WDR6: variants seen among roughly 807,000 people sequenced by gnomAD.
WDR6 encodes the protein tRNA (34-2'-O)-methyltransferase regulator WDR6.
Under a neutral mutation model 85.6 loss-of-function variants are expected in WDR6, and 58 were observed. The ratio of observed to expected loss-of-function variants is 0.68; its 90% CI spans 0.55 to 0.84. The LOEUF (loss-of-function observed/expected upper bound fraction) is 0.84, where lower values mean the gene tolerates loss of function less well. WDR6 is among the 40% of genes least tolerant of loss of function. WDR6 has a pLI of 0.00. For synonymous variants in WDR6, 569 were observed against 582.2 expected, an observed-to-expected ratio of 0.98 and a Z score of 0.33; for missense variants, 1,310 against 1,476.4, an observed-to-expected ratio of 0.89 and a Z score of 1.85.
Position 49,013,926 on chromosome 3 carries a change from C to T in WDR6, c.2392C>T (p.Leu798=). Residue 798 remains leucine (L), a synonymous_variant, in exon 2 of 6, where the codon CTG becomes TTG. Coordinates refer to ENST00000608424, the MANE Select transcript of WDR6 (RefSeq NM_018031.6). This position sits in a 1 kb window ranked among gnomAD's most constrained non-coding sequence, Gnocchi z 4.6. ...TGGCCCTCAGGATCCTCAGCCAGGC[C>T]TGACTGCCCATGTGGTGTCTGCGGG... The part of the protein sequence containing the change: ...PGGPQDPQPG[L]TAHVVSAGGR... 1 of 1,613,498 alleles carries T rather than the reference C, an allele frequency of 6.2e-7. No individual in the cohort carries two copies. Among genetic ancestry groups the T allele is most frequent in the Non-Finnish European group, 8.5e-7 (1 of 1,180,004 alleles).
intron 1 of WDR6, 180 bp from the exon 2 acceptor site, chr3:49,011,455 C>A: frequency 6.4e-7 from 1 of 1,554,834 alleles, no homozygotes. Flanking sequence ...GCCCAGATTA[C>A]AGGCGTGAGC....
intron 1 of WDR6, among the ~76,000 whole-genome samples, chr3:49,010,849 CAA>C (rs1362796360): frequency 9.1e-5 from 7 of 77,216 alleles, no homozygotes; most frequent in Admixed American, 1.4e-4. Flanking sequence ...GACTCCGTCT[CAA>C]AAAAAAAAAA....
At chr3:49,009,965 C>T (rs1016883451) in intron 1 of WDR6, among the ~76,000 whole-genome samples, 7 of 151,472 alleles carry the variant, frequency 4.6e-5, no homozygotes, top group African/African-American at 4.9e-5. Context: ...TGGGCTTAAG[C>T]GAGCCTCCTG....
At position 49,011,851 on chromosome 3, in the gene WDR6, A is replaced by C. The variant is rs770888810; in HGVS notation, c.317A>C (p.Glu106Ala). Residue 106 changes from glutamate to alanine, a missense_variant, in exon 2 of 6, where the codon GAG becomes GCG. Physicochemically the swap from Glu to Ala is moderately radical, Grantham distance 107. Coordinates refer to ENST00000608424, the MANE Select transcript of WDR6 (RefSeq NM_018031.6). ...AGCTGGGGACAGGGCCACTTCTGGG[A>C]GCTTTGGCGCTCTGGCCTGTGGAAC... ...KISWGQGHFW[E>A]LWRSGLWNMS... 58 of 1,614,018 alleles carry C rather than the reference A, an allele frequency of 3.6e-5. No individual in the cohort carries two copies. The highest frequency in any genetic ancestry group is 4.7e-5 in the Non-Finnish European group (55 of 1,180,048).
rs182599427 is a variant in WDR6 at position 49,013,262 on chromosome 3, A to G, written c.1728A>G (p.Thr576=). 562 of 1,614,108 alleles carry G rather than the reference A, an allele frequency of 3.5e-4. No individual in the cohort carries two copies. Among genetic ancestry groups the G allele is most frequent in the Admixed American group, 4.7e-4 (28 of 60,008 alleles). ...LHGKQGVTSV[T]CHGGYVYTTG... Reference sequence around the variant, plus strand: ...GGAAGCAGGGTGTGACCTCAGTCACATGCCATGGTGGCTATGTGTATACCA... The same window carrying G: ...GGAAGCAGGGTGTGACCTCAGTCACGTGCCATGGTGGCTATGTGTATACCA... The change falls in exon 2 of 6, where the codon ACA becomes ACG. Residue 576 remains threonine (T), a synonymous_variant. Coordinates refer to ENST00000608424, the MANE Select transcript of WDR6 (RefSeq NM_018031.6). The surrounding 1 kb of genome is among the most constrained non-coding windows in gnomAD (Gnocchi z 4.6).
rs1273155973 is a variant in WDR6, at chr3:49,014,649, G to GA, written c.2834dup (p.Asp945GlufsTer9). The GA allele has an allele frequency of 6.2e-7, 1 of 1,613,584 alleles. No homozygotes were observed. Among genetic ancestry groups the GA allele is most frequent in the Non-Finnish European group, 8.5e-7 (1 of 1,179,998 alleles). On this transcript the variant is annotated frameshift_variant, in exon 5 of 6. Transcript: ENST00000608424. LOFTEE classifies it high-confidence loss of function. This position sits in a 1 kb window ranked among gnomAD's most constrained non-coding sequence, Gnocchi z 4.9. The stretch of plus-strand genomic sequence containing the variant: ...TACTGATGGCAGCCTGGCTTTCTGG[G>GA]ATCTCACCACCATGCTAGACCATGA...
chr3:49,013,293 C>G lies in WDR6; in HGVS notation c.1759C>G (p.Arg587Gly). The G allele has an allele frequency of 6.2e-7, 1 of 1,614,108 alleles. No individual in the cohort carries two copies. ...TGGTGGCTATGTGTATACCACAGGG[C>G]GTGATGGAGCCTACTACCAGCTGTT... ...CHGGYVYTTG[R>G]DGAYYQLFVR... is the part of the protein sequence containing the mutation. The change falls in exon 2 of 6, where the codon CGT (arginine) becomes GGT (glycine). Residue 587 changes from arginine to glycine, a missense_variant. Physicochemically the swap from Arg to Gly is moderately radical, Grantham distance 125. Transcript: ENST00000608424. This position sits in a 1 kb window ranked among gnomAD's most constrained non-coding sequence, Gnocchi z 4.6.
chr3:49,013,626 G>A lies in WDR6; in HGVS notation c.2092G>A (p.Gly698Ser), dbSNP rs142396671. 1.5e-3 allele frequency: 2,407 copies of A among 1,614,112 alleles called. 5 individuals are homozygous for A. The highest frequency in any genetic ancestry group is 1.7e-3 in the East Asian group (75 of 44,890). The change falls in exon 2 of 6, where the codon GGT becomes AGT. Residue 698 changes from glycine to serine, a missense_variant. Transcript: ENST00000608424. This position sits in a 1 kb window ranked among gnomAD's most constrained non-coding sequence, Gnocchi z 4.6. ...CTRPHVILREGLHGREITCVK... is the reference protein window; with the variant it reads ...CTRPHVILRESLHGREITCVK... ...CCGGCCACACGTGATTCTCCGGGAGGGTCTGCATGGCCGTGAGATCACTTG... is the reference window on the plus strand; with the variant it reads ...CCGGCCACACGTGATTCTCCGGGAGAGTCTGCATGGCCGTGAGATCACTTG...
Position 49,015,936 on chromosome 3 carries a change from A to T in WDR6, c.*648A>T. The T allele has an allele frequency of 6.2e-7, 1 of 1,614,210 alleles. No individual in the cohort carries two copies. Among genetic ancestry groups the T allele is most frequent in the Non-Finnish European group, 8.5e-7 (1 of 1,180,026 alleles). On this transcript the variant is annotated 3_prime_UTR_variant, in exon 6 of 6. Transcript: ENST00000608424. Reference sequence around the variant, plus strand: ...TCTTGTGCCCCAGGCCAGAATAAAGAATAGAGTGTAGAGTGTCCTGGTTGT... The same window carrying T: ...TCTTGTGCCCCAGGCCAGAATAAAGTATAGAGTGTAGAGTGTCCTGGTTGT...
intron 1 of WDR6, 184 bp from the exon 2 acceptor site, chr3:49,011,451 A>T (rs1443500794): frequency 6.3e-7 from 1 of 1,574,882 alleles, no homozygotes; most frequent in Non-Finnish European, 8.6e-7. Context: ...AAGTGCCCAG[A>T]TTACAGGCGT....
At position 49,015,260 on chromosome 3, in the gene WDR6, G is replaced by A. The variant is rs757567827; in HGVS notation, c.3338G>A (p.Gly1113Glu). 1.2e-6 allele frequency: 2 copies of A among 1,611,972 alleles called. No homozygotes were observed. The highest frequency in any genetic ancestry group is 2.7e-5 in the African/African-American group (2 of 74,910). Reference protein sequence around the residue: ...FGHRCALGGQGLEVYNWYD With the variant: ...FGHRCALGGQELEVYNWYD ...CACCGTTGTGCCCTTGGGGGTCAGG[G>A]GCTTGAGGTTTACAACTGGTATGAC... The change falls in exon 6 of 6, where the codon GGG becomes GAG. Residue 1113 changes from glycine to glutamate, a missense_variant. Transcript: ENST00000608424.
Position 49,007,763 on chromosome 3 carries a change from A to C in WDR6, c.100+232A>C. ...GCCGCCGCGGCGCTTCATAAACTTC[A>C]GCCCGCGTGGAAAGGGCGGGTGGAA... On this transcript the variant is annotated intron_variant, in intron 1 of 5. Transcript: ENST00000608424. This position sits in a 1 kb window ranked among gnomAD's most constrained non-coding sequence, Gnocchi z 5.1. 1 of 1,182,456 alleles carries C rather than the reference A, an allele frequency of 8.5e-7. No homozygotes were observed. The allele number at this position is 1,182,456 out of a possible 1,614,324, so 73.2% of individuals were successfully genotyped here.
chr3:49,013,335 C>T lies in WDR6; in HGVS notation c.1801C>T (p.Leu601Phe). The change falls in exon 2 of 6, where the codon CTC becomes TTC. Residue 601 changes from leucine to phenylalanine, a missense_variant. Transcript: ENST00000608424. This position sits in a 1 kb window ranked among gnomAD's most constrained non-coding sequence, Gnocchi z 4.6. ...CCAGCTGTTTGTACGAGACGGCCAG[C>T]TCCAGCCAGTCCTAAGGCAGAAGTC... ...YYQLFVRDGQLQPVLRQKSCR... is the reference protein window; with the variant it reads ...YYQLFVRDGQFQPVLRQKSCR... The T allele has an allele frequency of 6.2e-7, 1 of 1,614,198 alleles. No individual in the cohort carries two copies. Among genetic ancestry groups the T allele is most frequent in the Non-Finnish European group, 8.5e-7 (1 of 1,180,022 alleles).
In WDR6 at chr3:49,012,186, C is replaced by A; in HGVS notation, c.652C>A (p.Leu218Met). The A allele has an allele frequency of 6.2e-7, 1 of 1,614,230 alleles. No homozygotes were observed. The highest frequency in any genetic ancestry group is 1.3e-5 in the African/African-American group (1 of 75,062). The change falls in exon 2 of 6, where the codon CTG (leucine) becomes ATG (methionine). Residue 218 changes from leucine (L) to methionine (M), a missense_variant. Coordinates refer to ENST00000608424, the MANE Select transcript of WDR6 (RefSeq NM_018031.6). The surrounding 1 kb of genome is among the most constrained non-coding windows in gnomAD (Gnocchi z 4.4). ...GGGCATCATCTTCAGCATGTCATAC[C>A]TGGAAAGCAAGGGATTGCTGGCTAC... The part of the protein sequence containing the change: ...HVGIIFSMSY[L>M]ESKGLLATAS...
In WDR6 at chr3:49,015,245, C is replaced by T. The variant is rs1177143502; in HGVS notation, c.3323C>T (p.Ala1108Val). 6.2e-7 allele frequency: 1 copy of T among 1,613,086 alleles called. No homozygotes were observed. ...AGCCCTGAGTTTGGCCACCGTTGTG[C>T]CCTTGGGGGTCAGGGGCTTGAGGTT... ...PVSPEFGHRC[A>V]LGGQGLEVYN... is the part of the protein sequence containing the mutation. Residue 1108 changes from alanine (A) to valine (V), a missense_variant, in exon 6 of 6, where the codon GCC (alanine) becomes GTC (valine). Ala to Val is a moderately conservative substitution (Grantham distance 64). Transcript: ENST00000608424.
In WDR6 at chr3:49,013,071, G is replaced by A; in HGVS notation, c.1537G>A (p.Gly513Ser). The change falls in exon 2 of 6, where the codon GGC becomes AGC. Residue 513 changes from glycine to serine, a missense_variant. By Grantham distance (56) the Gly-to-Ser change is moderately conservative. Transcript: ENST00000608424. The surrounding 1 kb of genome is among the most constrained non-coding windows in gnomAD (Gnocchi z 4.6). The part of the protein sequence containing the change: ...GDFLVCGDRR[G>S]SVLLFPSRPG... ...CTTCCTGGTGTGTGGTGACCGCCGG[G>A]GCTCTGTGCTGCTATTCCCCTCCAG... The A allele has an allele frequency of 3.1e-6, 5 of 1,611,340 alleles. No individual in the cohort carries two copies. The highest frequency in any genetic ancestry group is 1.3e-5 in the African/African-American group (1 of 74,974).
intron 1 of WDR6, chr3:49,011,026 A>G (rs1481460498): frequency 4.6e-6 from 2 of 433,722 alleles, no homozygotes. Context: ...AAAAAAAAAA[A>G]GAATGACTGA....
Position 49,012,645 on chromosome 3 carries a change from C to G in WDR6, c.1111C>G (p.Leu371Val). The G allele has an allele frequency of 6.2e-7, 1 of 1,614,080 alleles. No individual in the cohort carries two copies. Among genetic ancestry groups the G allele is most frequent in the Non-Finnish European group, 8.5e-7 (1 of 1,180,004 alleles). Reference protein sequence around the residue: ...RLLAVTDTGALYLYDVEVKCW... With the variant: ...RLLAVTDTGAVYLYDVEVKCW... ...GCTGGCAGTGACTGATACAGGGGCC[C>G]TGTATCTCTATGACGTCGAGGTCAA... is the stretch of plus-strand genomic sequence containing the variant. The change falls in exon 2 of 6, where the codon CTG becomes GTG. Residue 371 changes from leucine (L) to valine (V), a missense_variant. Transcript: ENST00000608424. The surrounding 1 kb of genome is among the most constrained non-coding windows in gnomAD (Gnocchi z 4.4).
At chr3:49,011,378 C>T (rs1440355492) in intron 1 of WDR6, 17 of 1,345,610 alleles carry the variant, frequency 1.3e-5, no homozygotes, top group East Asian at 3.1e-5. Flanking sequence ...CGTGCCTGGC[C>T]GAGACCAAGG....
Sources: allele counts gnomAD v4.1 joint callset (sites outside exome capture counted in the v4.1 genomes callset), GRCh38; gene constraint gnomAD v4.1.1; non-coding constraint Gnocchi (gnomAD v3.1); transcripts MANE v1.5; gene names NCBI Gene and HGNC (gene_info 2026-07-23, HGNC 2026-07-21).